The following CEP70 variants were observed in gnomAD, a reference collection of about 807,000 sequenced individuals.
CEP70 encodes centrosomal protein 70, also known as centrosomal protein of 70 kDa.
A neutral mutation model predicts 90.9 loss-of-function variants in CEP70; 70 were observed. The ratio of observed to expected loss-of-function variants is 0.77; its 90% CI spans 0.64 to 0.94. CEP70 has a LOEUF of 0.94. Among genes scored for constraint, CEP70 ranks in the 40% least tolerant of loss-of-function variants. The probability of loss-of-function intolerance (pLI) is 0.00; values close to 1 mark genes in which losing one functional copy is unlikely to be tolerated. For synonymous variants in CEP70, 220 were observed against 228.3 expected (o/e 0.96, Z 0.33); for missense variants, 648 against 669.0 (o/e 0.97, Z 0.35).
intron 13 of CEP70, among the ~76,000 whole-genome samples, chr3:138,501,580 A>C (rs971775404): frequency 1.4e-4 from 21 of 152,178 alleles, no homozygotes; most frequent in African/African-American, 5.1e-4. Flanking sequence ...ACTTAGCATA[A>C]TGTTTTTAAG....
At chr3:138,593,369 C>T (rs1459817451) in intron 1 of CEP70, among the ~76,000 whole-genome samples, 1 of 151,622 alleles carries the variant, frequency 6.6e-6, no homozygotes, top group Non-Finnish European at 1.5e-5. Flanking sequence ...ATTACAGGCG[C>T]ACACCACCAT....
chr3:138,519,862 G>T (rs1277303622), intron 11 of CEP70, among the ~76,000 whole-genome samples: 2 of 152,128 alleles, frequency 1.3e-5, no homozygotes, highest in Admixed American at 6.5e-5. Context: ...TGGGCTAAAT[G>T]CTCCAATTAA....
Position 138,517,440 on chromosome 3 carries a change from C to T in CEP70, c.944+8050G>A, listed in dbSNP as rs541940046. ...ATCCCAGCACTTTGGGAGGCAGAGG[C>T]GGGTGGATCACGAGGTCAGGAGATC... On this transcript the variant is annotated intron_variant, in intron 11 of 17. Coordinates refer to ENST00000264982, the MANE Select transcript of CEP70 (RefSeq NM_024491.4). Among the ~76,000 whole-genome samples, 5 of 145,862 alleles carry T rather than the reference C, an allele frequency of 3.4e-5. No individual in the cohort carries two copies. In the South Asian group the frequency reaches 6.6e-4, roughly 19 times the overall value.
intron 2 of CEP70, 109 bp from the exon 3 acceptor site, chr3:138,573,041 A>C (rs1367145179): frequency 1.2e-5 from 9 of 743,904 alleles, no homozygotes; most frequent in Non-Finnish European, 2.1e-5. Context: ...TATTTAAAAG[A>C]ATCCACTACT....
In CEP70 at chr3:138,504,220, G is replaced by A. The variant is rs553590754; in HGVS notation, c.1221+1075C>T. Among the ~76,000 whole-genome samples the A allele has an allele frequency of 7.9e-5, 12 of 152,196 alleles. No individual in the cohort carries two copies. In the South Asian group the frequency reaches 1.2e-3, roughly 16 times the overall value. Reference sequence around the variant, plus strand: ...CTGAGATACAGACTGGAGGAACTCCGGTCTATAAAGTAAGTATATTAATCT... The same window carrying A: ...CTGAGATACAGACTGGAGGAACTCCAGTCTATAAAGTAAGTATATTAATCT... On this transcript the variant is annotated intron_variant, in intron 13 of 17. Coordinates refer to ENST00000264982, the MANE Select transcript of CEP70 (RefSeq NM_024491.4).
intron 11 of CEP70, among the ~76,000 whole-genome samples, chr3:138,524,869 T>A (rs930518595): frequency 2.2e-4 from 33 of 152,110 alleles, no homozygotes; most frequent in Admixed American, 3.3e-4. Context: ...TTCCTCAAGG[T>A]TCTAGAACTA....
At chr3:138,577,040 T>C (rs2041574859) in intron 2 of CEP70, among the ~76,000 whole-genome samples, 1 of 147,742 alleles carries the variant, frequency 6.8e-6, no homozygotes, top group Non-Finnish European at 1.5e-5. Context: ...TTCATGTCCT[T>C]TGTAGGGACA....
chr3:138,557,147 T>C (rs2040071734), intron 6 of CEP70, among the ~76,000 whole-genome samples: 1 of 152,174 alleles, frequency 6.6e-6, no homozygotes, highest in Non-Finnish European at 1.5e-5. Context: ...AAGAATTCAG[T>C]GATATTTCTC....
At chr3:138,497,662 G>A in intron 17 of CEP70, 2 of 977,688 alleles carry the variant, frequency 2.0e-6, no homozygotes, top group Non-Finnish European at 2.4e-6. Flanking sequence ...AAAAAATTTT[G>A]TAGATAGGTG....
chr3:138,497,920 G>A, intron 17 of CEP70, 111 bp downstream of exon 17: 1 of 1,521,686 alleles, frequency 6.6e-7, no homozygotes, highest in Non-Finnish European at 8.8e-7. Flanking sequence ...ACTGTTAGTG[G>A]TTTCCAACCA....
intron 6 of CEP70, among the ~76,000 whole-genome samples, chr3:138,543,606 G>A (rs997825276): frequency 5.9e-5 from 9 of 152,174 alleles, no homozygotes; most frequent in African/African-American, 2.2e-4. Context: ...GGGATCACCT[G>A]TTCCTAGCCC....
At position 138,500,802 on chromosome 3, in the gene CEP70, C is replaced by T. The variant is rs1214926479; in HGVS notation, c.1301G>A (p.Gly434Asp). Reference sequence around the variant, plus strand: ...AAACAACAAATCTTCAACTTTGATACCTTCATTTTCATCCTGCTTCTTCAA... The same window carrying T: ...AAACAACAAATCTTCAACTTTGATATCTTCATTTTCATCCTGCTTCTTCAA... ...LNLKKQDENE[G>D]IKVEDLLFIV... The change falls in exon 14 of 18, where the codon GGT becomes GAT. Residue 434 changes from glycine to aspartate, a missense_variant. By Grantham distance (94) the Gly-to-Asp change is moderately conservative. Coordinates refer to ENST00000264982, the MANE Select transcript of CEP70 (RefSeq NM_024491.4). 1.2e-6 allele frequency: 2 copies of T among 1,604,776 alleles called. No homozygotes were observed. Among genetic ancestry groups the T allele is most frequent in the South Asian group, 1.1e-5 (1 of 90,164 alleles).
chr3:138,576,903 A>G (rs572042899), intron 2 of CEP70, among the ~76,000 whole-genome samples: 1 of 152,318 alleles, frequency 6.6e-6, no homozygotes, highest in East Asian at 1.9e-4. Flanking sequence ...TTTGAAACCA[A>G]TGAGAACAAA....
rs763735627 is a variant in CEP70 at position 138,508,394 on chromosome 3, C to T, written c.1050+45G>A. The T allele has an allele frequency of 4.1e-6, 5 of 1,225,180 alleles. No individual in the cohort carries two copies. The South Asian group carries it at 4.8e-5, about 12-fold the overall frequency. The allele number at this position is 1,225,180 out of a possible 1,614,324, so 75.9% of individuals were successfully genotyped here. A position where few individuals can be genotyped will look rare whatever the true frequency, so the allele number is the denominator to read the frequency against. ...TACACCACAACTGATAACCAAGATT[C>T]ATGACAAACATCAGTCTTTTTGTCA... is the stretch of plus-strand genomic sequence containing the variant. On this transcript the variant is annotated intron_variant, in intron 12 of 17. Transcript: ENST00000264982.
At chr3:138,544,534 T>C (rs2039034652) in intron 6 of CEP70, among the ~76,000 whole-genome samples, 1 of 150,726 alleles carries the variant, frequency 6.6e-6, no homozygotes. Context: ...TATGTATGTA[T>C]GTATGTGTGT....
At chr3:138,564,632 C>T (rs953687172) in intron 6 of CEP70, among the ~76,000 whole-genome samples, 2 of 152,060 alleles carry the variant, frequency 1.3e-5, no homozygotes, top group African/African-American at 4.8e-5. Context: ...AAAAGGACTT[C>T]GACAAAATTC....
intron 8 of CEP70, chr3:138,530,907 C>T (rs376370160): frequency 6.4e-6 from 6 of 944,568 alleles, no homozygotes; most frequent in East Asian, 2.3e-4. Flanking sequence ...AATATAAACT[C>T]CACTCAGTCA....
intron 8 of CEP70, among the ~76,000 whole-genome samples, 184 bp from the exon 9 acceptor site, chr3:138,529,646 T>C (rs1190389885): frequency 6.6e-6 from 1 of 152,192 alleles, no homozygotes; most frequent in Non-Finnish European, 1.5e-5. Context: ...GTACATACAG[T>C]ATCCATTTAC....
At chr3:138,550,167 A>C (rs2039513426) in intron 6 of CEP70, among the ~76,000 whole-genome samples, 1 of 152,192 alleles carries the variant, frequency 6.6e-6, no homozygotes. Flanking sequence ...AACACTCCCC[A>C]AAAATTACAC....
Sources: allele counts gnomAD v4.1 joint callset (sites outside exome capture counted in the v4.1 genomes callset), GRCh38; gene constraint gnomAD v4.1.1; transcripts MANE v1.5; gene names NCBI Gene and HGNC (gene_info 2026-07-23, HGNC 2026-07-21).